The following FAM217A variants were observed in gnomAD, a reference collection of about 807,000 sequenced individuals.
FAM217A encodes the protein protein FAM217A.
In FAM217A, 13 loss-of-function variants were observed where a neutral mutation model predicts 18.5. That is an observed-to-expected ratio of 0.70 (90% CI 0.46 to 1.12). The LOEUF (loss-of-function observed/expected upper bound fraction) is 1.12, where lower values mean the gene tolerates loss of function less well. Among genes scored for constraint, FAM217A ranks in the 50% most tolerant of loss-of-function variants. The pLI is 0.00. For synonymous variants in FAM217A, 161 were observed against 202.8 expected, an observed-to-expected ratio of 0.79 and a Z score of 1.75; for missense variants, 560 against 575.4, an observed-to-expected ratio of 0.97 and a Z score of 0.27.
At chr6:4,081,802 TTGTGTGTGCACATGCACACG>T (rs1770316972), upstream of FAM217A, among the ~76,000 whole-genome samples, 1 of 152,244 alleles carries the variant, frequency 6.6e-6, no homozygotes, top group Admixed American at 6.5e-5. Context: ...TTATGTGTGC[TTGTGTGTGCACATGCACACG>T]TGTGTGTAAA....
At chr6:4,076,314 G>C (rs1769790223) in intron 2 of FAM217A, among the ~76,000 whole-genome samples, 3 of 140,590 alleles carry the variant, frequency 2.1e-5, no homozygotes, top group Admixed American at 7.3e-5. Context: ...GGGTGACAGA[G>C]TGAGACTCCG....
At chr6:4,080,162 A>G (rs1423346727), upstream of FAM217A, among the ~76,000 whole-genome samples, 1 of 152,164 alleles carries the variant, frequency 6.6e-6, no homozygotes, top group African/African-American at 2.4e-5. Flanking sequence ...CCACATGTTG[A>G]AAACAATGTC....
At chr6:4,071,400 T>C (rs1769402420) in intron 6 of FAM217A, among the ~76,000 whole-genome samples, 1 of 152,194 alleles carries the variant, frequency 6.6e-6, no homozygotes, top group Non-Finnish European at 1.5e-5. Context: ...TAATAGCAAA[T>C]GCCTGCCAAA....
intron 2 of FAM217A, among the ~76,000 whole-genome samples, chr6:4,076,465 G>A (rs1159982337): frequency 2.0e-5 from 3 of 152,038 alleles, no homozygotes; most frequent in Admixed American, 1.3e-4. Context: ...ACTTTTTTAC[G>A]ATGTCTGGTG....
chr6:4,075,931 CT>C (rs1342189104), intron 2 of FAM217A, among the ~76,000 whole-genome samples: 8 of 152,304 alleles, frequency 5.3e-5, no homozygotes, highest in Admixed American at 4.6e-4. Context: ...TCTCTGCTCT[CT>C]GGCATGATAT....
At chr6:4,086,470 A>AT (rs1491046751) in intron 1 of FAM217A, among the ~76,000 whole-genome samples, 3 of 147,476 alleles carry the variant, frequency 2.0e-5, no homozygotes, top group African/African-American at 7.6e-5. Context: ...AAAAAAAAAA[A>AT]ATCCATCTAT....
At chr6:4,071,028 A>G (rs527617212) in intron 6 of FAM217A, among the ~76,000 whole-genome samples, 36 of 152,276 alleles carry the variant, frequency 2.4e-4, no homozygotes, top group African/African-American at 7.9e-4. Flanking sequence ...AAAGAAAAAA[A>G]TACTAATTTA....
chr6:4,074,556 T>C, intron 3 of FAM217A, 21 bp downstream of exon 3: 1 of 1,598,568 alleles, frequency 6.3e-7, no homozygotes, highest in South Asian at 1.1e-5. Context: ...AGTATAAGTA[T>C]ACACATCTAG....
chr6:4,078,049 C>CTT (rs10600748), intron 1 of FAM217A, among the ~76,000 whole-genome samples: 5,268 of 113,926 alleles, frequency 0.046, 489 homozygotes, highest in African/African-American at 0.17. Context: ...GAAAGAATCA[C>CTT]TTTTTTTTTT....
In FAM217A at chr6:4,068,781, C is replaced by A; in HGVS notation, c.1442G>T (p.Arg481Ile). Residue 481 changes from arginine to isoleucine, a missense_variant, in exon 7 of 7, where the codon AGA becomes ATA. Transcript: ENST00000274673. ...GTTTAGCTTCTGAATAGAGAATGGTCTATTCAACACTATATTTTGTCGGTA... is the reference window on the plus strand; with the variant it reads ...GTTTAGCTTCTGAATAGAGAATGGTATATTCAACACTATATTTTGTCGGTA... ...KLYRQNIVLN[R>I]PFSIQKLNCL... 1 of 1,614,096 alleles carries A rather than the reference C, an allele frequency of 6.2e-7. No individual in the cohort carries two copies. Among genetic ancestry groups the A allele is most frequent in the Non-Finnish European group, 8.5e-7 (1 of 1,179,976 alleles).
upstream of FAM217A, among the ~76,000 whole-genome samples, chr6:4,083,552 CTTTTCT>C (rs749793937): frequency 2.9e-3 from 424 of 147,222 alleles, 2 homozygotes; most frequent in African/African-American, 0.01. Context: ...CTTTTCTTTT[CTTTTCT>C]TTTTTTTTTT....
chr6:4,079,006 C>A lies in FAM217A; in HGVS notation c.-189G>T, dbSNP rs1475899982. 15 of 469,034 alleles carry A rather than the reference C, an allele frequency of 3.2e-5. No homozygotes were observed. Among genetic ancestry groups the A allele is most frequent in the Non-Finnish European group, 5.6e-5 (15 of 265,756 alleles). The allele number at this position is 469,034 out of a possible 1,614,324, so 29.1% of individuals were successfully genotyped here. ...GACAAAGAGGGCGGCGGGCGGCTGGCGGCCTTGAGCGCAGCCCGGTCGGCA... is the reference window on the plus strand; with the variant it reads ...GACAAAGAGGGCGGCGGGCGGCTGGAGGCCTTGAGCGCAGCCCGGTCGGCA... On this transcript the variant is annotated 5_prime_UTR_variant, in exon 1 of 7. Coordinates refer to ENST00000274673, the MANE Select transcript of FAM217A (RefSeq NM_173563.3).
At chr6:4,078,824 T>C in intron 1 of FAM217A, 28 bp downstream of exon 1, 1 of 444,468 alleles carries the variant, frequency 2.2e-6, no homozygotes, top group Non-Finnish European at 4.0e-6. Context: ...GGCTGCGGGA[T>C]TCCCCGGGGC....
chr6:4,073,285 TG>T lies in FAM217A; in HGVS notation c.291del (p.Ile98Ter). The T allele has an allele frequency of 6.2e-7, 1 of 1,606,810 alleles. No individual in the cohort carries two copies. Among genetic ancestry groups the T allele is most frequent in the Non-Finnish European group, 8.5e-7 (1 of 1,177,606 alleles). ...TAACTACTCGCTTACCTCTTCTCTA[TG>T]GTACTTCCTTCATTAAGAGGACAAT... is the stretch of plus-strand genomic sequence containing the variant. ...LWNCPLNEGS[T>X]IEKREFKKSS... On this transcript the variant is annotated frameshift_variant, in exon 6 of 7. Coordinates refer to ENST00000274673, the MANE Select transcript of FAM217A (RefSeq NM_173563.3). LOFTEE classifies it low-confidence loss of function (END_TRUNC).
intron 1 of FAM217A, chr6:4,084,909 C>T (rs1335405053): frequency 1.9e-5 from 12 of 639,964 alleles, no homozygotes; most frequent in South Asian, 1.4e-4. Flanking sequence ...TGCTGCGCTG[C>T]GGGATCAATT....
upstream of FAM217A, chr6:4,079,331 G>C: frequency 4.8e-6 from 1 of 207,974 alleles, no homozygotes; most frequent in Non-Finnish European, 9.8e-6. Context: ...CTCAGGCCCT[G>C]TCCCTGCGCC....
Position 4,068,702 on chromosome 6 carries a change from T to C in FAM217A, c.1521A>G (p.Gln507=). 1 of 1,591,504 alleles carries C rather than the reference T, an allele frequency of 6.3e-7. No individual in the cohort carries two copies. The highest frequency in any genetic ancestry group is 8.5e-7 in the Non-Finnish European group (1 of 1,171,898). ...GATGTATGAAAGAAAAGAGTTATTT[T>C]TGTTCAATGGGTGAGCAGCACTTAT... ...AKDKCCSPIE[Q]K is the part of the protein sequence containing the mutation. Residue 507 remains glutamine (Q), a synonymous_variant, in exon 7 of 7, where the codon CAA becomes CAG. Coordinates refer to ENST00000274673, the MANE Select transcript of FAM217A (RefSeq NM_173563.3).
At chr6:4,071,710 A>T (rs895237821) in intron 6 of FAM217A, among the ~76,000 whole-genome samples, 36 of 152,192 alleles carry the variant, frequency 2.4e-4, no homozygotes, top group African/African-American at 7.5e-4. Context: ...TCTTATCCCC[A>T]TCAGCACCAA....
At chr6:4,082,419 C>T (rs906891861), upstream of FAM217A, among the ~76,000 whole-genome samples, 14 of 152,202 alleles carry the variant, frequency 9.2e-5, no homozygotes, top group Non-Finnish European at 1.8e-4. Context: ...AGTCTCCCTC[C>T]GAGGCTAGCC....
Sources: allele counts gnomAD v4.1 joint callset (sites outside exome capture counted in the v4.1 genomes callset), GRCh38; gene constraint gnomAD v4.1.1; transcripts MANE v1.5; gene names NCBI Gene and HGNC (gene_info 2026-07-23, HGNC 2026-07-21).